PPP2R2D: variants seen among roughly 807,000 people sequenced by gnomAD.
PPP2R2D encodes the protein protein phosphatase 2 regulatory subunit Bdelta, also known as serine/threonine-protein phosphatase 2A 55 kDa regulatory subunit B delta isoform.
In PPP2R2D, 9 loss-of-function variants were observed where a neutral mutation model predicts 31.1. That is an observed-to-expected ratio of 0.29 (90% CI 0.17 to 0.51). The LOEUF (loss-of-function observed/expected upper bound fraction) is 0.51, where lower values mean the gene tolerates loss of function less well. Ranked by LOEUF, PPP2R2D falls within the 20% of genes least tolerant of loss-of-function variation. The probability of loss-of-function intolerance (pLI) is 0.98; values close to 1 mark genes in which losing one functional copy is unlikely to be tolerated. For missense variants in PPP2R2D, 391 were observed against 465.6 expected, an observed-to-expected ratio of 0.84 and a Z score of 1.48; for synonymous variants, 179 against 172.6, an observed-to-expected ratio of 1.04 and a Z score of -0.29.
chr10:131,937,939 C>G (rs2036372655), intron 3 of PPP2R2D, among the ~76,000 whole-genome samples: 1 of 152,200 alleles, frequency 6.6e-6, no homozygotes, highest in Admixed American at 6.5e-5. Flanking sequence ...CGCTCAGCTC[C>G]TGCCCGTGGA....
chr10:131,967,545 A>G, the PPP2R2D span: 2 of 152,466 alleles, frequency 1.3e-5, no homozygotes, highest in Admixed American at 6.5e-5. Flanking sequence ...TTAAGCGTGG[A>G]AAGGTGAAAC....
the PPP2R2D span, among the ~76,000 whole-genome samples, chr10:131,965,291 C>T: frequency 5.9e-5 from 9 of 152,134 alleles, no homozygotes; most frequent in African/African-American, 1.7e-4. Flanking sequence ...AGCATGCACC[C>T]GCAGAGACAG....
rs1351502874 is a variant in PPP2R2D, at chr10:131,946,677, C to T, written c.821-853C>T. 5.9e-5 allele frequency among the ~76,000 whole-genome samples: 9 copies of T among 152,170 alleles called. No individual in the cohort carries two copies. The East Asian group carries it at 1.7e-3, about 29-fold the overall frequency. ...GTGATTTATTTGAGTAAATGCTTGG[C>T]GTCGGCACAGCTGGCTTCAAGTTAA... On this transcript the variant is annotated intron_variant, in intron 7 of 8. Coordinates refer to ENST00000455566, the MANE Select transcript of PPP2R2D (RefSeq NM_018461.5).
chr10:131,915,257 G>T (rs553234510), intron 2 of PPP2R2D, among the ~76,000 whole-genome samples: 8 of 152,118 alleles, frequency 5.3e-5, no homozygotes, highest in Middle Eastern at 6.8e-3. Context: ...CGTGCCTTAC[G>T]TGTACCAGTG....
chr10:131,925,678 A>AT (rs1261320722), intron 2 of PPP2R2D, among the ~76,000 whole-genome samples: 34 of 152,128 alleles, frequency 2.2e-4, no homozygotes, highest in African/African-American at 7.0e-4. Flanking sequence ...ATGATGCAAG[A>AT]TTTTTTTTGC....
chr10:131,960,768 T>G (rs2036911103), downstream of PPP2R2D, among the ~76,000 whole-genome samples: 1 of 152,190 alleles, frequency 6.6e-6, no homozygotes, highest in South Asian at 2.1e-4. Flanking sequence ...CCTAAACCTG[T>G]GCTGTGCGTC....
chr10:131,949,412 C>T (rs966172205), intron 8 of PPP2R2D, among the ~76,000 whole-genome samples: 2 of 152,180 alleles, frequency 1.3e-5, no homozygotes, highest in Non-Finnish European at 2.9e-5. Context: ...TCCGTGAGAA[C>T]ACGCATGCTG....
At chr10:131,909,107 A>G (rs1164348987) in intron 2 of PPP2R2D, among the ~76,000 whole-genome samples, 1 of 152,154 alleles carries the variant, frequency 6.6e-6, no homozygotes, top group Non-Finnish European at 1.5e-5. Context: ...AGAGGGAGGA[A>G]GGGAAGGGGA....
intron 2 of PPP2R2D, chr10:131,912,089 G>T (rs2035694254): frequency 6.6e-6 from 1 of 152,164 alleles, no homozygotes; most frequent in African/African-American, 2.4e-5. Context: ...CCTAGTTTGT[G>T]TATAAGCAAT....
At chr10:131,963,124 C>T (rs1446739026), downstream of PPP2R2D, among the ~76,000 whole-genome samples, 3 of 152,092 alleles carry the variant, frequency 2.0e-5, no homozygotes, top group Non-Finnish European at 2.9e-5. Context: ...GAGATTGTGT[C>T]GCTGTACTCC....
intron 2 of PPP2R2D, among the ~76,000 whole-genome samples, chr10:131,934,212 G>A (rs188644472): frequency 2.6e-3 from 391 of 151,886 alleles, no homozygotes; most frequent in Middle Eastern, 0.01. Flanking sequence ...ATAAATCCTG[G>A]TGCTCCAGGG....
At chr10:131,962,836 T>C (rs879998932), downstream of PPP2R2D, among the ~76,000 whole-genome samples, 27 of 152,190 alleles carry the variant, frequency 1.8e-4, no homozygotes, top group Non-Finnish European at 3.5e-4. Flanking sequence ...GAGGTCCAGA[T>C]AGAGCTCCGT....
At chr10:131,969,496 G>A in the PPP2R2D span, 16 of 152,350 alleles carry the variant, frequency 1.1e-4, no homozygotes, top group Admixed American at 1.0e-3. Context: ...GGGTTATGGG[G>A]GGGACGTGAG....
intron 2 of PPP2R2D, among the ~76,000 whole-genome samples, chr10:131,928,855 A>G (rs759312609): frequency 2.3e-4 from 35 of 152,270 alleles, no homozygotes; most frequent in Non-Finnish European, 4.3e-4. Context: ...GAGACGGGTC[A>G]GACGGGTCAG....
At chr10:131,954,460 C>T (rs1369882781) in intron 8 of PPP2R2D, among the ~76,000 whole-genome samples, 2 of 152,266 alleles carry the variant, frequency 1.3e-5, no homozygotes, top group Non-Finnish European at 2.9e-5. Context: ...CACGTGCCAA[C>T]TTGGCTGCAT....
chr10:131,944,063 A>G lies in PPP2R2D; in HGVS notation c.573A>G (p.Val191=). 1 of 1,606,532 alleles carries G rather than the reference A, an allele frequency of 6.2e-7. No individual in the cohort carries two copies. The highest frequency in any genetic ancestry group is 8.5e-7 in the Non-Finnish European group (1 of 1,173,392). The change falls in exon 6 of 9, where the codon GTA becomes GTG. Residue 191 remains valine (V), a synonymous_variant. Coordinates refer to ENST00000455566, the MANE Select transcript of PPP2R2D (RefSeq NM_018461.5). ...AHTYHINSIS[V]NSDHETYLSA... ...CATATCATATAAATTCCATTTCAGT[A>G]AATAGTGATCATGAAACATATCTTT...
At chr10:131,924,347 A>T (rs1456939631) in intron 2 of PPP2R2D, among the ~76,000 whole-genome samples, 2 of 152,142 alleles carry the variant, frequency 1.3e-5, no homozygotes, top group African/African-American at 4.8e-5. Flanking sequence ...ACATTTATAT[A>T]TAATTTTTAT....
At chr10:131,961,828 A>G (rs1589972067), downstream of PPP2R2D, among the ~76,000 whole-genome samples, 2 of 136,038 alleles carry the variant, frequency 1.5e-5, no homozygotes, top group African/African-American at 2.8e-5. Flanking sequence ...GATGTCCTCC[A>G]GGGTTTTTTT....
In PPP2R2D at chr10:131,945,290, C is replaced by T; in HGVS notation, c.656-5C>T. ...GAGCACTGTGCCTTAACCATGCACT[C>T]CCAGACATCGTGGACATCAAGCCTG... is the stretch of plus-strand genomic sequence containing the variant. On this transcript the variant is annotated splice_polypyrimidine_tract_variant and splice_region_variant and intron_variant, in intron 6 of 8. Coordinates refer to ENST00000455566, the MANE Select transcript of PPP2R2D (RefSeq NM_018461.5). This position sits in a 1 kb window ranked among gnomAD's most constrained non-coding sequence, Gnocchi z 4.8. 2 of 1,612,212 alleles carry T rather than the reference C, an allele frequency of 1.2e-6. No individual in the cohort carries two copies. Among genetic ancestry groups the T allele is most frequent in the Admixed American group, 1.7e-5 (1 of 59,926 alleles).
Sources: allele counts gnomAD v4.1 joint callset (sites outside exome capture counted in the v4.1 genomes callset), GRCh38; gene constraint gnomAD v4.1.1; non-coding constraint Gnocchi (gnomAD v3.1); transcripts MANE v1.5; gene names NCBI Gene and HGNC (gene_info 2026-07-23, HGNC 2026-07-21).